PDE1C: variants seen among roughly 807,000 people sequenced by gnomAD.
PDE1C encodes the protein dual specificity calcium/calmodulin-dependent 3',5'-cyclic nucleotide phosphodiesterase 1C.
In PDE1C, 62 loss-of-function variants were observed where a neutral mutation model predicts 93.1. The observed-to-expected ratio is 0.67, with a 90% CI of 0.54 to 0.82. PDE1C has a LOEUF of 0.82. Among genes scored for constraint, PDE1C ranks in the 40% least tolerant of loss-of-function variants. The probability of loss-of-function intolerance (pLI) is 0.00; values close to 1 mark genes in which losing one functional copy is unlikely to be tolerated. For missense variants in PDE1C, 742 were observed against 884.6 expected, an observed-to-expected ratio of 0.84 and a Z score of 2.04; for synonymous variants, 325 against 310.1, an observed-to-expected ratio of 1.05 and a Z score of -0.50.
At chr7:31,782,154 C>T (rs947317412) in intron 16 of PDE1C, among the ~76,000 whole-genome samples, 6 of 152,068 alleles carry the variant, frequency 3.9e-5, no homozygotes, top group African/African-American at 7.2e-5. Context: ...AAGTAAATTG[C>T]GCTAGAGCCA....
At chr7:32,370,447 C>A (rs1462869448) in intron 1 of PDE1C, among the ~76,000 whole-genome samples, 8 of 120,210 alleles carry the variant, frequency 6.7e-5, no homozygotes, top group African/African-American at 2.2e-4. Context: ...AGACTCCTCT[C>A]AAAAAAAAAA....
the PDE1C span, among the ~76,000 whole-genome samples, chr7:31,671,052 A>G: frequency 1.6e-4 from 24 of 152,084 alleles, no homozygotes; most frequent in East Asian, 4.5e-3. Context: ...ATCCACTTTC[A>G]CTGGCAATAA....
At chr7:32,087,793 T>C (rs1314513614) in intron 3 of PDE1C, among the ~76,000 whole-genome samples, 21 of 149,882 alleles carry the variant, frequency 1.4e-4, no homozygotes, top group African/African-American at 4.2e-4. Context: ...TAGGTGGGAA[T>C]TGAACAATGA....
intron 16 of PDE1C, among the ~76,000 whole-genome samples, chr7:31,802,701 A>AT (rs35984088): frequency 2.9e-3 from 439 of 151,190 alleles, no homozygotes; most frequent in Admixed American, 0.01. Flanking sequence ...TTCTTTGTTG[A>AT]TTTTTTTTCC....
rs780627262 is a variant in PDE1C, at chr7:31,823,147, T to C, written c.1508A>G (p.Tyr503Cys). 26 of 1,613,494 alleles carry C rather than the reference T, an allele frequency of 1.6e-5. No individual in the cohort carries two copies. Among genetic ancestry groups the C allele is most frequent in the Middle Eastern group, 1.7e-4 (1 of 6,052 alleles). ...PINNSVISVD[Y>C]KSFKATWTEV... The stretch of plus-strand genomic sequence containing the variant: ...CGTCCAAGTAGCTTTAAAGCTCTTA[T>C]AGTCAACGGAGATGACAGAATTGTT... Residue 503 changes from tyrosine to cysteine, a missense_variant, in exon 14 of 18, where the codon TAT becomes TGT. By Grantham distance (194) the Tyr-to-Cys change is radical (BLOSUM62 -2). Around this residue, in one of 4 missense-constraint regions of PDE1C, gnomAD observed 454 missense variants for 459.4 expected, o/e 0.99. Coordinates refer to ENST00000396191, the MANE Select transcript of PDE1C (RefSeq NM_001191057.4).
chr7:31,830,943 T>G (rs1790305436), intron 11 of PDE1C, among the ~76,000 whole-genome samples: 1 of 152,152 alleles, frequency 6.6e-6, no homozygotes, highest in African/African-American at 2.4e-5. Context: ...TGTTTATGTG[T>G]GTTGTTATAC....
intron 2 of PDE1C, among the ~76,000 whole-genome samples, chr7:31,906,539 C>T (rs567931033): frequency 1.9e-4 from 29 of 152,208 alleles, no homozygotes; most frequent in African/African-American, 3.6e-4. Context: ...CTTTTGGCCA[C>T]GTGTACTGTT....
intron 2 of PDE1C, among the ~76,000 whole-genome samples, chr7:32,190,666 A>G (rs1804174607): frequency 6.6e-6 from 1 of 152,212 alleles, no homozygotes; most frequent in Admixed American, 6.5e-5. Context: ...GTCCAATTAA[A>G]CAAACATTTA....
At chr7:32,336,065 A>C (rs1188872758) in intron 1 of PDE1C, among the ~76,000 whole-genome samples, 1 of 152,166 alleles carries the variant, frequency 6.6e-6, no homozygotes, top group Non-Finnish European at 1.5e-5. Context: ...TCAGCATATT[A>C]ATTCATCAGG....
intron 2 of PDE1C, among the ~76,000 whole-genome samples, chr7:31,989,674 C>T (rs534848195): frequency 2.0e-5 from 3 of 152,246 alleles, no homozygotes; most frequent in Admixed American, 1.3e-4. Flanking sequence ...GACCCCATAA[C>T]GTCACTCATT....
chr7:32,150,143 A>G (rs910435878), intron 3 of PDE1C, among the ~76,000 whole-genome samples: 10 of 152,186 alleles, frequency 6.6e-5, no homozygotes, highest in Non-Finnish European at 1.3e-4. Flanking sequence ...CAACTCAACT[A>G]TCAGAGCAGA....
At chr7:31,906,668 G>A (rs1800623801) in intron 2 of PDE1C, among the ~76,000 whole-genome samples, 1 of 152,194 alleles carries the variant, frequency 6.6e-6, no homozygotes, top group African/African-American at 2.4e-5. Flanking sequence ...TCATGCAGCA[G>A]TGAGCGAATA....
intron 3 of PDE1C, among the ~76,000 whole-genome samples, chr7:32,160,551 A>C (rs1584879005): frequency 6.6e-6 from 1 of 152,270 alleles, no homozygotes; most frequent in Non-Finnish European, 1.5e-5. Flanking sequence ...TAGTGAAGAA[A>C]GGAATCTGGG....
chr7:31,921,284 G>T (rs1802591208), intron 2 of PDE1C, among the ~76,000 whole-genome samples: 1 of 152,216 alleles, frequency 6.6e-6, no homozygotes, highest in Non-Finnish European at 1.5e-5. Context: ...CAGGTCTCAT[G>T]CAGATTGTTT....
chr7:31,980,902 A>G (rs1234783281), intron 2 of PDE1C, among the ~76,000 whole-genome samples: 1 of 152,112 alleles, frequency 6.6e-6, no homozygotes, highest in Non-Finnish European at 1.5e-5. Flanking sequence ...TCTCACTTAT[A>G]AGCAGCCCTG....
At chr7:31,782,276 TTAAC>T (rs67684832) in intron 16 of PDE1C, among the ~76,000 whole-genome samples, 82,526 of 151,652 alleles carry the variant, frequency 0.54, 24,828 homozygotes, top group Middle Eastern at 0.72. Flanking sequence ...TAATTCAAAA[TTAAC>T]TATACTATAT....
At chr7:32,421,418 T>G (rs1583436857) in intron 1 of PDE1C, among the ~76,000 whole-genome samples, 1 of 152,376 alleles carries the variant, frequency 6.6e-6, no homozygotes, top group Non-Finnish European at 1.5e-5. Context: ...GATCCGTTAA[T>G]GTGTGTGTAA....
Position 31,752,501 on chromosome 7 carries a change from A to G in PDE1C, c.*883T>C, listed in dbSNP as rs1794188047. 1 of 152,100 alleles carries G rather than the reference A, an allele frequency of 6.6e-6. No individual in the cohort carries two copies. The highest frequency in any genetic ancestry group is 6.5e-5 in the Admixed American group (1 of 15,276). 9.4% of individuals were successfully genotyped at this position (152,100 alleles called of 1,614,324 possible). On this transcript the variant is annotated 3_prime_UTR_variant, in exon 18 of 18. Transcript: ENST00000396191. ...TTTCAGTCCAGAACAATCTGAAAAT[A>G]AAGAATTTAAACTAGGCTCAGAATT...
chr7:32,369,124 A>G (rs1784280695), intron 1 of PDE1C, among the ~76,000 whole-genome samples: 1 of 152,208 alleles, frequency 6.6e-6, no homozygotes, highest in Admixed American at 6.5e-5. Context: ...ATGGGCAACA[A>G]AAGCAAAAAT....
Sources: gnomAD v4.1 joint callset for allele counts (sites outside exome capture counted in the v4.1 genomes callset) on GRCh38, gnomAD v4.1.1 for gene constraint, gnomAD v4.1.1 regional missense constraint, MANE v1.5 for transcripts, NCBI Gene and HGNC (gene_info 2026-07-23, HGNC 2026-07-21) for gene names.